The following WDR81 variants were observed in gnomAD, a reference collection of about 807,000 sequenced individuals.
The protein encoded by WDR81 is WD repeat-containing protein 81.
In WDR81, 92 loss-of-function variants were observed where a neutral mutation model predicts 140.8. The observed-to-expected ratio is 0.65, with a 90% CI of 0.55 to 0.78. The LOEUF (loss-of-function observed/expected upper bound fraction) is 0.78. WDR81 is among the 30% of genes least tolerant of loss of function. WDR81 has a pLI of 0.00. For synonymous variants in WDR81, 1,183 were observed against 1,156.4 expected (o/e 1.02, Z -0.47); for missense variants, 2,502 against 2,636.4 (o/e 0.95, Z 1.12).
rs1384387431 is a variant in WDR81, at chr17:1,724,844, C to CCCCAGCCCCTGTCCCGCGCCCAT, written c.-106_-84dup. On this transcript the variant is annotated 5_prime_UTR_variant, in exon 1 of 10. Transcript: ENST00000409644. ...CGCCGGCTTCCTGCGGCCGCCTCCG[C>CCCCAGCCCCTGTCCCGCGCCCAT]CCCAGCCCCTGTCCCGCGCCCATCC... 5.7e-6 allele frequency: 7 copies of CCCCAGCCCCTGTCCCGCGCCCAT among 1,220,840 alleles called. No individual in the cohort carries two copies. In the East Asian group the frequency reaches 2.0e-4, roughly 34 times the overall value. 75.6% of individuals were successfully genotyped at this position (1,220,840 alleles called of 1,614,324 possible).
chr17:1,734,172 T>C lies in WDR81; in HGVS notation c.5135T>C (p.Val1712Ala). The stretch of plus-strand genomic sequence containing the variant: ...GGCCAGCTTGAGGCCCCGCAGCACG[T>C]GGTGAGCTGTGACGGGGCTGTGCAC... ...FVGQLEAPQHVVSCDGAVHVW... is the reference protein window; with the variant it reads ...FVGQLEAPQHAVSCDGAVHVW... Residue 1712 changes from valine (V) to alanine (A), a missense_variant, in exon 7 of 10, where the codon GTG becomes GCG. Physicochemically the swap from Val to Ala is moderately conservative, Grantham distance 64. Around this residue, in one of 3 missense-constraint regions of WDR81, gnomAD observed 1,737 missense variants for 1,843.0 expected, o/e 0.94. Coordinates refer to ENST00000409644, the MANE Select transcript of WDR81 (RefSeq NM_001163809.2). 6.3e-7 allele frequency: 1 copy of C among 1,597,240 alleles called. No individual in the cohort carries two copies. Among genetic ancestry groups the C allele is most frequent in the Non-Finnish European group, 8.5e-7 (1 of 1,179,112 alleles).
At chr17:1,716,658 C>T (rs373192634) in intron 1 of WDR81, 1 of 1,551,398 alleles carries the variant, frequency 6.4e-7, no homozygotes, top group Non-Finnish European at 8.7e-7. Flanking sequence ...TTAAACTGAG[C>T]TCGGAATCCA....
rs751936929 is a variant in WDR81, at chr17:1,731,021, AG to A, written c.3967-42del. ...GGCCGGCCCGGGCTCTCTTGGTGCC[AG>A]GGGGTCTGTGGGGCTGCCCGGCCCT... On this transcript the variant is annotated intron_variant, in intron 3 of 9. Coordinates refer to ENST00000409644, the MANE Select transcript of WDR81 (RefSeq NM_001163809.2). 1.9e-6 allele frequency: 3 copies of A among 1,605,208 alleles called. No individual in the cohort carries two copies. The African/African-American group carries it at 4.0e-5, about 21-fold the overall frequency.
At chr17:1,731,292 G>C in intron 4 of WDR81, 34 bp downstream of exon 4, 1 of 1,600,728 alleles carries the variant, frequency 6.2e-7, no homozygotes, top group Non-Finnish European at 8.5e-7. Flanking sequence ...TAGGGGGACC[G>C]GCCCAGCGGA....
rs1372281896 is a variant in WDR81, at chr17:1,735,981, C to T, written c.5326-58C>T. The T allele has an allele frequency of 2.6e-6, 4 of 1,547,268 alleles. No individual in the cohort carries two copies. The highest frequency in any genetic ancestry group is 3.5e-6 in the Non-Finnish European group (4 of 1,151,478). On this transcript the variant is annotated intron_variant, in intron 8 of 9. Transcript: ENST00000409644. The surrounding 1 kb of genome is among the most constrained non-coding windows in gnomAD (Gnocchi z 4.2). ...GTGTGGGCTTGGGTGGTGGGCAGGG[C>T]CTTGGGGAGTGTGAGATGGGAAGGT...
At chr17:1,722,627 G>A (rs1914929420), upstream of WDR81, among the ~76,000 whole-genome samples, 1 of 150,192 alleles carries the variant, frequency 6.7e-6, no homozygotes, top group Admixed American at 6.6e-5. Flanking sequence ...TTACAGGCAT[G>A]AGCCACCGCA....
upstream of WDR81, among the ~76,000 whole-genome samples, chr17:1,720,378 G>T (rs533956356): frequency 2.0e-5 from 3 of 152,216 alleles, no homozygotes; most frequent in African/African-American, 7.2e-5. Flanking sequence ...TGTTACAGAC[G>T]TTACTTCTCA....
At chr17:1,736,006 T>C (rs1904829535) in intron 8 of WDR81, 33 bp from the exon 9 acceptor site, 2 of 1,560,782 alleles carry the variant, frequency 1.3e-6, no homozygotes. Context: ...GATGGGAAGG[T>C]GGTGCCTCAG....
intron 1 of WDR81, among the ~76,000 whole-genome samples, chr17:1,718,657 G>T (rs1365725851): frequency 6.6e-6 from 1 of 152,208 alleles, no homozygotes; most frequent in East Asian, 1.9e-4. Flanking sequence ...GGTCACTCCA[G>T]GACAAGCTTA....
Position 1,737,609 on chromosome 17 carries a change from C to A in WDR81, c.5750C>A (p.Thr1917Asn), listed in dbSNP as rs1345624832. Residue 1917 changes from threonine to asparagine, a missense_variant, in exon 10 of 10, where the codon ACC becomes AAC. Around this residue, in one of 3 missense-constraint regions of WDR81, gnomAD observed 1,737 missense variants for 1,843.0 expected, o/e 0.94. Transcript: ENST00000409644. ...TCTGAGAACTTCCGCGGCACGCTCA[C>A]CAGCCTGGCCTTGCTGCCCACTAAA... Reference protein sequence around the residue: ...LSSENFRGTLTSLALLPTKRH... With the variant: ...LSSENFRGTLNSLALLPTKRH... 3 of 1,612,646 alleles carry A rather than the reference C, an allele frequency of 1.9e-6. No homozygotes were observed. The highest frequency in any genetic ancestry group is 2.5e-6 in the Non-Finnish European group (3 of 1,180,000).
chr17:1,719,813 G>T (rs1422082786), upstream of WDR81, among the ~76,000 whole-genome samples: 1 of 152,028 alleles, frequency 6.6e-6, no homozygotes, highest in Non-Finnish European at 1.5e-5. Flanking sequence ...GACCAGCCTG[G>T]GCAACATGAT....
At position 1,726,775 on chromosome 17, in the gene WDR81, C is replaced by T; in HGVS notation, c.1816C>T (p.Pro606Ser). ...PALAPEPPLIPKLLVQTIQET... is the reference protein window; with the variant it reads ...PALAPEPPLISKLLVQTIQET... Reference sequence around the variant, plus strand: ...CCTTGCCCCCGAGCCTCCCCTCATCCCCAAGCTGTTGGTCCAGACCATCCA... The same window carrying T: ...CCTTGCCCCCGAGCCTCCCCTCATCTCCAAGCTGTTGGTCCAGACCATCCA... Residue 606 changes from proline to serine, a missense_variant, in exon 1 of 10, where the codon CCC becomes TCC. By Grantham distance (74) the Pro-to-Ser change is moderately conservative. Coordinates refer to ENST00000409644, the MANE Select transcript of WDR81 (RefSeq NM_001163809.2). 2 of 1,548,618 alleles carry T rather than the reference C, an allele frequency of 1.3e-6. No homozygotes were observed. The highest frequency in any genetic ancestry group is 8.7e-7 in the Non-Finnish European group (1 of 1,146,718).
rs750711181 is a variant in WDR81 at position 1,728,139 on chromosome 17, G to C, written c.3180G>C (p.Ser1060=). The change falls in exon 1 of 10, where the codon TCG becomes TCC. Residue 1060 remains serine, a synonymous_variant. Coordinates refer to ENST00000409644, the MANE Select transcript of WDR81 (RefSeq NM_001163809.2). ...IPMDGEPPAS[S]GLGLPDYTSG... The stretch of plus-strand genomic sequence containing the variant: ...TGGATGGGGAGCCTCCTGCCTCCTC[G>C]GGCCTGGGGCTCCCAGACTACACGT... 1 of 1,606,598 alleles carries C rather than the reference G, an allele frequency of 6.2e-7. No homozygotes were observed. Among genetic ancestry groups the C allele is most frequent in the Non-Finnish European group, 8.5e-7 (1 of 1,175,884 alleles).
chr17:1,734,380 T>C, intron 7 of WDR81, 164 bp downstream of exon 7: 1 of 427,856 alleles, frequency 2.3e-6, no homozygotes, highest in Non-Finnish European at 3.1e-6. Context: ...GACTTGAGTC[T>C]GAATTGGCTC....
At chr17:1,721,011 AAGT>A (rs1172589814), upstream of WDR81, among the ~76,000 whole-genome samples, 1 of 152,086 alleles carries the variant, frequency 6.6e-6, no homozygotes, top group Non-Finnish European at 1.5e-5. Context: ...CAGACAGAAA[AAGT>A]AGTACCTGCT....
Position 1,725,770 on chromosome 17 carries a change from A to C in WDR81, c.811A>C (p.Met271Leu). ...LFILFRVLRA[M>L]DACHRQGLAC... ...CATTCTCTTCCGCGTGCTGAGGGCT[A>C]TGGACGCCTGTCACCGCCAGGGGCT... Residue 271 changes from methionine to leucine, a missense_variant, in exon 1 of 10, where the codon ATG (methionine) becomes CTG (leucine). Coordinates refer to ENST00000409644, the MANE Select transcript of WDR81 (RefSeq NM_001163809.2). 5 of 1,550,684 alleles carry C rather than the reference A, an allele frequency of 3.2e-6. No individual in the cohort carries two copies. The highest frequency in any genetic ancestry group is 4.4e-6 in the Non-Finnish European group (5 of 1,147,026).
intron 7 of WDR81, 139 bp downstream of exon 7, chr17:1,734,355 G>T (rs1162257662): frequency 9.7e-7 from 1 of 1,032,144 alleles, no homozygotes; most frequent in East Asian, 2.7e-5. Flanking sequence ...AACAGTTAGG[G>T]CTTCGAATCT....
rs573502289 is a variant in WDR81 at position 1,729,561 on chromosome 17, G to A, written c.3668-819G>A. ...TTCCTTAAAAGGAGAGACAGTTGAGGTTCAAGGAGGAGTAGGAAGAAGGTA... is the reference window on the plus strand; with the variant it reads ...TTCCTTAAAAGGAGAGACAGTTGAGATTCAAGGAGGAGTAGGAAGAAGGTA... On this transcript the variant is annotated intron_variant, in intron 1 of 9. Coordinates refer to ENST00000409644, the MANE Select transcript of WDR81 (RefSeq NM_001163809.2). Among the ~76,000 whole-genome samples, 8 of 152,304 alleles carry A rather than the reference G, an allele frequency of 5.3e-5. No homozygotes were observed. The South Asian group carries it at 1.7e-3, about 32-fold the overall frequency.
rs7225795 is a variant in WDR81, at chr17:1,730,701, G to A, written c.3776-54G>A. The A allele has an allele frequency of 6.0e-3, 9,220 of 1,548,812 alleles. 475 individuals are homozygous for A. In the African/African-American group the frequency reaches 0.11, roughly 19 times the overall value. On this transcript the variant is annotated intron_variant, in intron 2 of 9. Transcript: ENST00000409644. ...CGGCCAGCACAGCCCTGCAGGGCCA[G>A]GCTACCCCCGGCCCTCCACTGGCGA...
Sources: allele counts gnomAD v4.1 joint callset (sites outside exome capture counted in the v4.1 genomes callset), GRCh38; gene constraint gnomAD v4.1.1; regional missense constraint gnomAD v4.1.1; non-coding constraint Gnocchi (gnomAD v3.1); transcripts MANE v1.5; gene names NCBI Gene and HGNC (gene_info 2026-07-23, HGNC 2026-07-21).